The following ZNF696 variants were observed in gnomAD, a reference collection of about 807,000 sequenced individuals.
The protein encoded by ZNF696 is zinc finger protein 696.
ZNF696 carries 10 observed loss-of-function variants against 12.3 expected under a neutral mutation model. The ratio of observed to expected loss-of-function variants is 0.81; its 90% CI spans 0.50 to 1.38. ZNF696 has a LOEUF of 1.38. Ranked by LOEUF, ZNF696 falls within the 40% of genes most tolerant of loss-of-function variation. The probability of loss-of-function intolerance (pLI) is 0.00; values close to 1 mark genes in which losing one functional copy is unlikely to be tolerated. For missense variants in ZNF696, 675 were observed against 554.7 expected (o/e 1.22, Z -2.18); for synonymous variants, 304 against 243.9 (o/e 1.25, Z -2.29).
chr8:143,293,381 G>C (rs973555744), intron 2 of ZNF696: 5 of 507,412 alleles, frequency 9.9e-6, no homozygotes, highest in Non-Finnish European at 1.7e-5. Flanking sequence ...TTGTTGAGGG[G>C]CCATCCTGTG....
intron 2 of ZNF696, chr8:143,293,345 G>A (rs1048709118): frequency 2.8e-5 from 15 of 542,244 alleles, no homozygotes; most frequent in African/African-American, 1.5e-4. Flanking sequence ...CCTTGGCACC[G>A]TGGCTGTTTT....
At chr8:143,295,608 G>A (rs1815694611) in intron 2 of ZNF696, 132 bp from the exon 3 acceptor site, 1 of 1,056,058 alleles carries the variant, frequency 9.5e-7, no homozygotes, top group African/African-American at 1.6e-5. Flanking sequence ...AACTGAATGG[G>A]CAAAATCAAA....
rs199774827 is a variant in ZNF696, at chr8:143,295,875, C to T, written c.200C>T (p.Ala67Val). 4 of 1,566,320 alleles carry T rather than the reference C, an allele frequency of 2.6e-6. No homozygotes were observed. Among genetic ancestry groups the T allele is most frequent in the East Asian group, 2.3e-5 (1 of 42,742 alleles). ...GGCCACAGAGGGGGGCCTCCCCGGG[C>T]GTTGGGGTCTCTTGGCCTTTGTGAA... ...GEGHRGGPPR[A>V]LGSLGLCENQ... The change falls in exon 3 of 3, where the codon GCG (alanine) becomes GTG (valine). Residue 67 changes from alanine (A) to valine (V), a missense_variant. Transcript: ENST00000330143.
intron 1 of ZNF696, among the ~76,000 whole-genome samples, chr8:143,292,635 C>T (rs2047694383): frequency 6.6e-6 from 1 of 152,182 alleles, no homozygotes; most frequent in East Asian, 1.9e-4. Flanking sequence ...TTTCTCTAGA[C>T]ATTTGAAGAC....
At chr8:143,295,297 C>T (rs973185335) in intron 2 of ZNF696, 11 of 455,474 alleles carry the variant, frequency 2.4e-5, no homozygotes, top group South Asian at 1.1e-4. Flanking sequence ...CTGGGTGGGC[C>T]GAGGCTAGAG....
Position 143,295,964 on chromosome 8 carries a change from G to A in ZNF696, c.289G>A (p.Gly97Arg), listed in dbSNP as rs751008195. The A allele has an allele frequency of 4.9e-5, 78 of 1,578,398 alleles. No homozygotes were observed. The highest frequency in any genetic ancestry group is 6.5e-5 in the Non-Finnish European group (75 of 1,161,930). ...PRGPVTSEKT[G>R]GQSGLESDVP... Reference sequence around the variant, plus strand: ...AGGCCCGGTCACTTCTGAGAAAACTGGAGGACAGAGTGGCCTCGAGTCAGA... The same window carrying A: ...AGGCCCGGTCACTTCTGAGAAAACTAGAGGACAGAGTGGCCTCGAGTCAGA... Residue 97 changes from glycine to arginine, a missense_variant, in exon 3 of 3, where the codon GGA (glycine) becomes AGA (arginine). Gly to Arg is a moderately radical substitution (Grantham distance 125, BLOSUM62 -2). Transcript: ENST00000330143.
chr8:143,293,131 A>G (rs1438326749), intron 2 of ZNF696, 66 bp downstream of exon 2: 1 of 1,365,272 alleles, frequency 7.3e-7, no homozygotes, highest in Non-Finnish European at 1.0e-6. Flanking sequence ...AATACAGGAA[A>G]AACACCATGT....
At position 143,291,447 on chromosome 8, in the gene ZNF696, C is replaced by G. The variant is rs569968989; in HGVS notation, c.-351C>G. Reference sequence around the variant, plus strand: ...GGGTGCAGTCCAGCTGCTCTGGACGCTGAGGCCCCGGCTTCTCTTGCTGGG... The same window carrying G: ...GGGTGCAGTCCAGCTGCTCTGGACGGTGAGGCCCCGGCTTCTCTTGCTGGG... On this transcript the variant is annotated 5_prime_UTR_variant, in exon 1 of 3. Transcript: ENST00000330143. 1.0e-6 allele frequency: 1 copy of G among 985,546 alleles called. No individual in the cohort carries two copies. The highest frequency in any genetic ancestry group is 1.1e-4 in the East Asian group (1 of 8,808). 61.1% of individuals were successfully genotyped at this position (985,546 alleles called of 1,614,324 possible). A position where few individuals can be genotyped will look rare whatever the true frequency, so the allele number is the denominator to read the frequency against.
intron 1 of ZNF696, 98 bp from the exon 2 acceptor site, chr8:143,292,874 T>C: frequency 9.6e-7 from 1 of 1,046,680 alleles, no homozygotes; most frequent in Non-Finnish European, 1.4e-6. Context: ...CAGGGCCTGT[T>C]CTGACAGTTT....
rs773436307 is a variant in ZNF696, at chr8:143,296,011, C to T, written c.336C>T (p.Pro112=). 5 of 1,595,002 alleles carry T rather than the reference C, an allele frequency of 3.1e-6. No individual in the cohort carries two copies. Among genetic ancestry groups the T allele is most frequent in the Admixed American group, 1.7e-5 (1 of 58,104 alleles). The change falls in exon 3 of 3, where the codon CCC becomes CCT. Residue 112 remains proline, a synonymous_variant. Transcript: ENST00000330143. The part of the protein sequence containing the change: ...LESDVPPNAG[P]GAEGGGSWKG... ...CAGACGTCCCTCCGAACGCAGGCCC[C>T]GGCGCAGAGGGCGGGGGCAGCTGGA... is the stretch of plus-strand genomic sequence containing the variant.
At chr8:143,294,529 C>T in intron 2 of ZNF696, among the ~76,000 whole-genome samples, 1 of 151,988 alleles carries the variant, frequency 6.6e-6, no homozygotes. Flanking sequence ...TACAGGTGTG[C>T]ACCACCACAC....
Position 143,291,575 on chromosome 8 carries a change from G to A in ZNF696, c.-223G>A. ...TCTCCTTGCAGTGCAGGCCCCAGCC[G>A]CTCTCGGGCGCGGCGTGGGGGAGGC... On this transcript the variant is annotated 5_prime_UTR_variant, in exon 1 of 3. Coordinates refer to ENST00000330143, the MANE Select transcript of ZNF696 (RefSeq NM_030895.3). The A allele has an allele frequency of 1.0e-6, 1 of 984,242 alleles. No individual in the cohort carries two copies. Among genetic ancestry groups the A allele is most frequent in the South Asian group, 4.7e-5 (1 of 21,244 alleles). The allele number at this position is 984,242 out of a possible 1,614,324, so 61.0% of individuals were successfully genotyped here. A position where few individuals can be genotyped will look rare whatever the true frequency, so the allele number is the denominator to read the frequency against.
rs1815732175 is a variant in ZNF696, at chr8:143,296,990, G to T, written c.*190G>T. On this transcript the variant is annotated 3_prime_UTR_variant, in exon 3 of 3. Coordinates refer to ENST00000330143, the MANE Select transcript of ZNF696 (RefSeq NM_030895.3). ...AGCAATCAGGAGAGACAGGGCTCGG[G>T]GAAGGCGAGCGCTGCCCGCGGGAGG... 1.8e-6 allele frequency: 1 copy of T among 553,564 alleles called. No individual in the cohort carries two copies. 34.3% of individuals were successfully genotyped at this position (553,564 alleles called of 1,614,324 possible).
In ZNF696 at chr8:143,298,838, C is replaced by A. The variant is rs117748098; in HGVS notation, c.*2038C>A. Among the ~76,000 whole-genome samples the A allele has an allele frequency of 7.6e-3, 1,158 of 152,264 alleles. 17 individuals are homozygous for A. The highest frequency in any genetic ancestry group is 9.3e-3 in the Non-Finnish European group (632 of 68,008). On this transcript the variant is annotated 3_prime_UTR_variant, in exon 3 of 3. Transcript: ENST00000330143. ...CTTTGGGAGGCCTAAGGGGGAGGATCACTTGAGCCTAGGAGTTCAAGACCA... is the reference window on the plus strand; with the variant it reads ...CTTTGGGAGGCCTAAGGGGGAGGATAACTTGAGCCTAGGAGTTCAAGACCA...
At position 143,299,513 on chromosome 8, in the gene ZNF696, C is replaced by T. The variant is rs948770517; in HGVS notation, c.*2713C>T. 2.6e-5 allele frequency among the ~76,000 whole-genome samples: 4 copies of T among 152,178 alleles called. No homozygotes were observed. Among genetic ancestry groups the T allele is most frequent in the South Asian group, 2.1e-4 (1 of 4,828 alleles). ...AATGTAGTCCCAGCTGCTTGGGAGA[C>T]TGAGGCAGGAGGATCTCGGCTTGGA... is the stretch of plus-strand genomic sequence containing the variant. On this transcript the variant is annotated 3_prime_UTR_variant, in exon 3 of 3. Coordinates refer to ENST00000330143, the MANE Select transcript of ZNF696 (RefSeq NM_030895.3).
rs1479870370 is a variant in ZNF696 at position 143,295,747 on chromosome 8, G to A, written c.72G>A (p.Lys24=). ...STLMESLAAV[K]AAFLAQAPSG... is the part of the protein sequence containing the mutation. ...GTCTGGCCTCTTTTTCAGCTGTGAA[G>A]GCTGCTTTCCTGGCGCAGGCCCCGA... The change falls in exon 3 of 3, where the codon AAG becomes AAA. Residue 24 remains lysine, a synonymous_variant. Coordinates refer to ENST00000330143, the MANE Select transcript of ZNF696 (RefSeq NM_030895.3). The A allele has an allele frequency of 6.3e-7, 1 of 1,595,112 alleles. No homozygotes were observed. Among genetic ancestry groups the A allele is most frequent in the Non-Finnish European group, 8.5e-7 (1 of 1,172,358 alleles).
At position 143,295,925 on chromosome 8, in the gene ZNF696, G is replaced by A. The variant is rs767602235; in HGVS notation, c.250G>A (p.Gly84Arg). The change falls in exon 3 of 3, where the codon GGA becomes AGA. Residue 84 changes from glycine to arginine, a missense_variant. Physicochemically the swap from Gly to Arg is moderately radical, Grantham distance 125. Coordinates refer to ENST00000330143, the MANE Select transcript of ZNF696 (RefSeq NM_030895.3). The part of the protein sequence containing the change: ...CENQEARERP[G>R]GSPRGPVTSE... ...AAACCAGGAAGCCAGAGAGAGGCCCGGAGGTTCCCCTCGAGGCCCGGTCAC... is the reference window on the plus strand; with the variant it reads ...AAACCAGGAAGCCAGAGAGAGGCCCAGAGGTTCCCCTCGAGGCCCGGTCAC... The A allele has an allele frequency of 1.9e-6, 3 of 1,561,970 alleles. No individual in the cohort carries two copies. Among genetic ancestry groups the A allele is most frequent in the Middle Eastern group, 1.7e-4 (1 of 5,940 alleles).
In ZNF696 at chr8:143,296,135, G is replaced by T; in HGVS notation, c.460G>T (p.Glu154Ter). 1 of 1,609,858 alleles carries T rather than the reference G, an allele frequency of 6.2e-7. No individual in the cohort carries two copies. Among genetic ancestry groups the T allele is most frequent in the Non-Finnish European group, 8.5e-7 (1 of 1,178,786 alleles). ...CATCCACTCGGGGGAGAAACCGTACGAGTGCAGCGACTGCGGGAAGGCCTT... is the reference window on the plus strand; with the variant it reads ...CATCCACTCGGGGGAGAAACCGTACTAGTGCAGCGACTGCGGGAAGGCCTT... ...RSIHSGEKPYECSDCGKAFIH... is the reference protein window; with the variant it reads ...RSIHSGEKPY Residue 154 changes from glutamate (E) to a stop codon, truncating the protein, a stop_gained, in exon 3 of 3, where the codon GAG becomes TAG. Transcript: ENST00000330143. LOFTEE classifies it high-confidence loss of function.
Position 143,296,857 on chromosome 8 carries a change from G to A in ZNF696, c.*57G>A. On this transcript the variant is annotated 3_prime_UTR_variant, in exon 3 of 3. Coordinates refer to ENST00000330143, the MANE Select transcript of ZNF696 (RefSeq NM_030895.3). Reference sequence around the variant, plus strand: ...CCTGGTGGGCGCGAGGCCGAGGCCGGGGGAGGCTCCTGTCCGCCCCGTGCG... The same window carrying A: ...CCTGGTGGGCGCGAGGCCGAGGCCGAGGGAGGCTCCTGTCCGCCCCGTGCG... The A allele has an allele frequency of 1.5e-6, 2 of 1,348,914 alleles. No individual in the cohort carries two copies. The highest frequency in any genetic ancestry group is 1.7e-5 in the South Asian group (1 of 58,092). 83.6% of individuals were successfully genotyped at this position (1,348,914 alleles called of 1,614,324 possible). A position where few individuals can be genotyped will look rare whatever the true frequency, so the allele number is the denominator to read the frequency against.
Sources: allele counts gnomAD v4.1 joint callset (sites outside exome capture counted in the v4.1 genomes callset), GRCh38; gene constraint gnomAD v4.1.1; transcripts MANE v1.5; gene names NCBI Gene and HGNC (gene_info 2026-07-23, HGNC 2026-07-21).